GADL1: variants seen among roughly 807,000 people sequenced by gnomAD.
GADL1 encodes the protein acidic amino acid decarboxylase GADL1.
A neutral mutation model predicts 69.5 loss-of-function variants in GADL1; 71 were observed. That is an observed-to-expected ratio of 1.02 (90% CI 0.84 to 1.25). The LOEUF is 1.25. GADL1 is among the 50% of genes most tolerant of loss of function. GADL1 has a pLI of 0.00. For missense variants in GADL1, 737 were observed against 631.8 expected (o/e 1.17, Z -1.79); for synonymous variants, 254 against 214.4 (o/e 1.18, Z -1.62).
At chr3:30,841,301 A>AT (rs1697962293) in intron 8 of GADL1, among the ~76,000 whole-genome samples, 1 of 152,198 alleles carries the variant, frequency 6.6e-6, no homozygotes, top group Non-Finnish European at 1.5e-5. Context: ...CTACTTTTAA[A>AT]TGTGCCTAAA....
chr3:30,753,191 C>T (rs1695874393), intron 14 of GADL1, among the ~76,000 whole-genome samples: 4 of 152,124 alleles, frequency 2.6e-5, no homozygotes, highest in Admixed American at 6.6e-5. Flanking sequence ...ACAGGCCCCA[C>T]CCCTGACTGC....
At chr3:30,887,653 G>A (rs539282028) in intron 1 of GADL1, among the ~76,000 whole-genome samples, 1 of 152,112 alleles carries the variant, frequency 6.6e-6, no homozygotes, top group Admixed American at 6.5e-5. Context: ...AAGAGACTAA[G>A]AGGCAGTCTT....
intron 1 of GADL1, among the ~76,000 whole-genome samples, chr3:30,893,619 A>G (rs1295083182): frequency 2.0e-5 from 3 of 152,156 alleles, no homozygotes; most frequent in African/African-American, 4.8e-5. Context: ...AATAATAATG[A>G]TAGTACAAGT....
At chr3:30,889,664 T>C (rs2125547977) in intron 1 of GADL1, among the ~76,000 whole-genome samples, 1 of 152,266 alleles carries the variant, frequency 6.6e-6, no homozygotes, top group East Asian at 1.9e-4. Flanking sequence ...AAATCACGCA[T>C]CTCTTTTAAC....
chr3:30,881,966 A>AC (rs1479483736), intron 1 of GADL1, among the ~76,000 whole-genome samples: 11 of 151,730 alleles, frequency 7.2e-5, no homozygotes, highest in African/African-American at 2.7e-4. Flanking sequence ...CCAGATGTTG[A>AC]CCCCTCAATC....
intron 14 of GADL1, among the ~76,000 whole-genome samples, chr3:30,738,426 A>C (rs1458338070): frequency 6.6e-6 from 1 of 151,996 alleles, no homozygotes; most frequent in East Asian, 1.9e-4. Context: ...GTTGAGAAAC[A>C]CTTCTCAGGA....
Position 30,870,500 on chromosome 3 carries a change from C to T in GADL1, c.38-8735G>A, listed in dbSNP as rs545267513. Reference sequence around the variant, plus strand: ...GGACTGGGAGCAGATCAGGTAAGGTCGTATTTTACTCTAAAATCAACAAGA... The same window carrying T: ...GGACTGGGAGCAGATCAGGTAAGGTTGTATTTTACTCTAAAATCAACAAGA... On this transcript the variant is annotated intron_variant, in intron 1 of 14. Coordinates refer to ENST00000282538, the MANE Select transcript of GADL1 (RefSeq NM_207359.3). Among the ~76,000 whole-genome samples the T allele has an allele frequency of 6.6e-5, 10 of 151,672 alleles. No individual in the cohort carries two copies. In the East Asian group the frequency reaches 9.8e-4, roughly 15 times the overall value.
chr3:30,878,415 C>T (rs1698604312), intron 1 of GADL1, among the ~76,000 whole-genome samples: 1 of 151,838 alleles, frequency 6.6e-6, no homozygotes, highest in African/African-American at 2.4e-5. Flanking sequence ...CTTTTTGGCC[C>T]ATGAGGCCTA....
rs766085561 is a variant in GADL1, at chr3:30,839,115, T to C, written c.787-2A>G. On this transcript the variant is annotated splice_acceptor_variant, in intron 8 of 14. Transcript: ENST00000282538. LOFTEE classifies it high-confidence loss of function. ...ACAGACAAGAAACGGTGCTGCCCCC[T>C]GTAAGAAGGATCCACACACACAAAA... 3 of 1,545,150 alleles carry C rather than the reference T, an allele frequency of 1.9e-6. No homozygotes were observed. The South Asian group carries it at 3.8e-5, about 20-fold the overall frequency.
intron 1 of GADL1, among the ~76,000 whole-genome samples, chr3:30,869,644 G>T (rs79063771): frequency 0.15 from 22,157 of 150,560 alleles, 1,755 homozygotes; most frequent in South Asian, 0.18. Context: ...ATTTTTTTTT[G>T]AAAAGAGCAA....
intron 6 of GADL1, among the ~76,000 whole-genome samples, chr3:30,847,146 C>CT (rs1365016480): frequency 5.9e-5 from 9 of 152,198 alleles, no homozygotes; most frequent in African/African-American, 2.2e-4. Flanking sequence ...AGATTTATTA[C>CT]TTTTATTTCT....
intron 1 of GADL1, among the ~76,000 whole-genome samples, chr3:30,874,067 C>G (rs934752620): frequency 1.2e-4 from 18 of 151,944 alleles, no homozygotes; most frequent in Admixed American, 9.8e-4. Flanking sequence ...GACACTGTTA[C>G]CTGCAAGAAA....
At chr3:30,760,155 G>C (rs1696093562) in intron 14 of GADL1, among the ~76,000 whole-genome samples, 2 of 151,702 alleles carry the variant, frequency 1.3e-5, no homozygotes, top group African/African-American at 4.9e-5. Flanking sequence ...GTACCAGAAA[G>C]AGAAGGCATA....
intron 14 of GADL1, among the ~76,000 whole-genome samples, chr3:30,752,944 C>A (rs1695865303): frequency 8.1e-6 from 1 of 123,618 alleles, no homozygotes; most frequent in African/African-American, 3.3e-5. Flanking sequence ...GAACACAATC[C>A]TCGTTTTTTA....
At chr3:30,738,230 C>G (rs923146972) in intron 14 of GADL1, among the ~76,000 whole-genome samples, 4 of 152,264 alleles carry the variant, frequency 2.6e-5, no homozygotes, top group East Asian at 1.9e-4. Context: ...TAGCTCTCTA[C>G]CAGAGGTGCT....
chr3:30,846,054 C>CAAAAAAA (rs55634806), intron 6 of GADL1, among the ~76,000 whole-genome samples: 1 of 115,916 alleles, frequency 8.6e-6, no homozygotes, highest in Admixed American at 8.3e-5. Context: ...ATAGATAGAT[C>CAAAAAAA]AAAAAAAAAA....
At position 30,738,368 on chromosome 3, in the gene GADL1, A is replaced by G. The variant is rs1224416706; in HGVS notation, c.1393-9953T>C. On this transcript the variant is annotated intron_variant, in intron 14 of 14. Transcript: ENST00000282538. Reference sequence around the variant, plus strand: ...AAACACCTCACAATGCTGAAAATAAATCTGCCCAAGGAAGAATCATGTTAT... The same window carrying G: ...AAACACCTCACAATGCTGAAAATAAGTCTGCCCAAGGAAGAATCATGTTAT... Among the ~76,000 whole-genome samples, 3 of 152,292 alleles carry G rather than the reference A, an allele frequency of 2.0e-5. No homozygotes were observed. In the East Asian group the frequency reaches 5.8e-4, roughly 29 times the overall value.
At chr3:30,761,471 G>A (rs1696131035) in intron 14 of GADL1, among the ~76,000 whole-genome samples, 1 of 123,830 alleles carries the variant, frequency 8.1e-6, no homozygotes, top group African/African-American at 2.9e-5. Flanking sequence ...GAACCTGGGG[G>A]ATAGATATGT....
At chr3:30,805,077 C>T (rs772526952) in intron 11 of GADL1, among the ~76,000 whole-genome samples, 8 of 152,198 alleles carry the variant, frequency 5.3e-5, no homozygotes, top group South Asian at 4.1e-4. Flanking sequence ...CCTAACCTAG[C>T]GCACATAATA....
Sources: allele counts gnomAD v4.1 joint callset (sites outside exome capture counted in the v4.1 genomes callset), GRCh38; gene constraint gnomAD v4.1.1; transcripts MANE v1.5; gene names NCBI Gene and HGNC (gene_info 2026-07-23, HGNC 2026-07-21).